Variants in TCF20 observed in about 807,000 individuals in gnomAD.
TCF20 encodes transcription factor 20, also known as SPRE-binding protein.
A neutral mutation model predicts 148.6 loss-of-function variants in TCF20; 3 were observed. The ratio of observed to expected loss-of-function variants is 0.02; its 90% CI spans 0.01 to 0.05. TCF20 has a LOEUF of 0.05. Ranked by LOEUF, TCF20 falls within the 10% of genes least tolerant of loss-of-function variation. The pLI is 1.00. For synonymous variants in TCF20, 1,049 were observed against 909.5 expected (o/e 1.15, Z -2.76); for missense variants, 2,350 against 2,429.3 (o/e 0.97, Z 0.69).
At chr22:42,227,042 A>G (rs1477825470) in intron 1 of TCF20, among the ~76,000 whole-genome samples, 2 of 152,156 alleles carry the variant, frequency 1.3e-5, no homozygotes, top group African/African-American at 2.4e-5. Flanking sequence ...CAGCACTTTG[A>G]GAGGCCAAGG....
intron 1 of TCF20, among the ~76,000 whole-genome samples, chr22:42,243,835 T>C (rs138103835): frequency 6.6e-6 from 1 of 152,278 alleles, no homozygotes; most frequent in Non-Finnish European, 1.5e-5. Flanking sequence ...AAAAAGTTAA[T>C]GTATCAGGAA....
intron 2 of TCF20, among the ~76,000 whole-genome samples, chr22:42,205,226 G>C (rs184971758): frequency 1.3e-3 from 191 of 150,946 alleles, no homozygotes; most frequent in African/African-American, 4.3e-3. Context: ...GTCAATGTTG[G>C]ACAGAAGCAA....
At chr22:42,340,795 C>A (rs1008384526) in intron 1 of TCF20, among the ~76,000 whole-genome samples, 2 of 152,006 alleles carry the variant, frequency 1.3e-5, no homozygotes, top group East Asian at 1.9e-4. Context: ...CTCTTCCACA[C>A]GCCAAAGCTG....
chr22:42,247,426 C>A (rs1381566955), intron 1 of TCF20, among the ~76,000 whole-genome samples: 4 of 132,044 alleles, frequency 3.0e-5, no homozygotes, highest in African/African-American at 1.2e-4. Context: ...GGTGATAGAG[C>A]GAGACTCCAT....
At chr22:42,220,321 C>G (rs1169984326) in intron 1 of TCF20, among the ~76,000 whole-genome samples, 1 of 152,092 alleles carries the variant, frequency 6.6e-6, no homozygotes, top group East Asian at 1.9e-4. Flanking sequence ...GCATGGGACC[C>G]CTGGCTAATT....
At chr22:42,314,586 C>T (rs115126552) in intron 1 of TCF20, among the ~76,000 whole-genome samples, 1 of 152,140 alleles carries the variant, frequency 6.6e-6, no homozygotes, top group Non-Finnish European at 1.5e-5. Flanking sequence ...GCAGGTCCTG[C>T]ACCCAGGAGG....
At chr22:42,207,223 C>T (rs891191143) in intron 2 of TCF20, among the ~76,000 whole-genome samples, 5 of 152,222 alleles carry the variant, frequency 3.3e-5, no homozygotes, top group East Asian at 3.9e-4. Flanking sequence ...TCAAAGTCCG[C>T]GCACTGAATC....
chr22:42,314,778 G>A (rs1024834398), intron 1 of TCF20, among the ~76,000 whole-genome samples: 1 of 152,192 alleles, frequency 6.6e-6, no homozygotes, highest in African/African-American at 2.4e-5. Flanking sequence ...AAACTTCAGA[G>A]AGGATTCTGG....
At chr22:42,331,830 T>TCCTTC (rs903407684) in intron 1 of TCF20, among the ~76,000 whole-genome samples, 33 of 152,210 alleles carry the variant, frequency 2.2e-4, no homozygotes, top group African/African-American at 7.7e-4. Flanking sequence ...GAAGGGAAGG[T>TCCTTC]CTGGTTCCTT....
chr22:42,320,538 A>C (rs967222367), intron 1 of TCF20, among the ~76,000 whole-genome samples: 4 of 152,110 alleles, frequency 2.6e-5, no homozygotes, highest in African/African-American at 9.7e-5. Flanking sequence ...CTGTGGATTT[A>C]TTTGTCCATC....
At chr22:42,221,072 G>A (rs1922311370) in intron 1 of TCF20, among the ~76,000 whole-genome samples, 1 of 152,202 alleles carries the variant, frequency 6.6e-6, no homozygotes. Context: ...ATCAGAAGCT[G>A]AGAACTTCCG....
chr22:42,310,194 C>T (rs1341785746), intron 1 of TCF20, among the ~76,000 whole-genome samples: 2 of 152,200 alleles, frequency 1.3e-5, no homozygotes, highest in Non-Finnish European at 2.9e-5. Context: ...GCCTGCCACA[C>T]TGAGGAGTTT....
At chr22:42,193,023 C>A (rs536712870) in intron 2 of TCF20, among the ~76,000 whole-genome samples, 55 of 152,302 alleles carry the variant, frequency 3.6e-4, no homozygotes, top group African/African-American at 1.3e-3. Flanking sequence ...GGTTCTTATC[C>A]TCAAGAAAGT....
chr22:42,177,726 A>C (rs947175284), intron 3 of TCF20, among the ~76,000 whole-genome samples: 1 of 152,232 alleles, frequency 6.6e-6, no homozygotes, highest in Non-Finnish European at 1.5e-5. Flanking sequence ...TAAGAAATAC[A>C]TATTTTAGTC....
At chr22:42,190,508 C>A (rs538936735) in intron 2 of TCF20, among the ~76,000 whole-genome samples, 1 of 152,204 alleles carries the variant, frequency 6.6e-6, no homozygotes, top group Admixed American at 6.5e-5. Flanking sequence ...GAAGTACCAG[C>A]ACTGATCCCT....
intron 1 of TCF20, among the ~76,000 whole-genome samples, chr22:42,263,764 T>G (rs1926142742): frequency 6.6e-6 from 1 of 152,196 alleles, no homozygotes; most frequent in South Asian, 2.1e-4. Context: ...ATCTTAAGAT[T>G]GGAACTACAT....
At chr22:42,162,004 A>C (rs1935496934) in intron 5 of TCF20, among the ~76,000 whole-genome samples, 2 of 52,776 alleles carry the variant, frequency 3.8e-5, no homozygotes, top group Non-Finnish European at 3.3e-5. Flanking sequence ...TTTTTTTGAG[A>C]CAGTCTTGCT....
intron 1 of TCF20, among the ~76,000 whole-genome samples, chr22:42,298,514 T>A (rs1303684663): frequency 6.6e-6 from 1 of 152,192 alleles, no homozygotes; most frequent in East Asian, 1.9e-4. Context: ...CTGAAGACCA[T>A]CCTGCCCAGA....
Position 42,226,376 on chromosome 22 carries a change from C to G in TCF20, c.-36-11035G>C, listed in dbSNP as rs566226159. Among the ~76,000 whole-genome samples, 9 of 152,310 alleles carry G rather than the reference C, an allele frequency of 5.9e-5. 1 individual carries two copies. In the East Asian group the frequency reaches 9.6e-4, roughly 16 times the overall value. On this transcript the variant is annotated intron_variant, in intron 1 of 5. Coordinates refer to ENST00000677622, the MANE Select transcript of TCF20 (RefSeq NM_001378418.1). The stretch of plus-strand genomic sequence containing the variant: ...GGTAATTAGTGTTGCCACTTATAGG[C>G]TAAAAGGATGTTCCATTTTATAATT...
Sources: gnomAD v4.1 joint callset for allele counts (sites outside exome capture counted in the v4.1 genomes callset) on GRCh38, gnomAD v4.1.1 for gene constraint, MANE v1.5 for transcripts, NCBI Gene and HGNC (gene_info 2026-07-23, HGNC 2026-07-21) for gene names.